NHEJ1: variants seen among roughly 807,000 people sequenced by gnomAD.
NHEJ1 encodes the protein non-homologous end joining factor 1.
Under a neutral mutation model 39.4 loss-of-function variants are expected in NHEJ1, and 22 were observed. The ratio of observed to expected loss-of-function variants is 0.56; its 90% confidence interval spans 0.40 to 0.80. The LOEUF (loss-of-function observed/expected upper bound fraction) is 0.80. NHEJ1 is among the 30% of genes least tolerant of loss of function. NHEJ1 has a pLI of 0.00. For missense variants in NHEJ1, 329 were observed against 357.1 expected (o/e 0.92, Z 0.63); for synonymous variants, 154 against 135.6 (o/e 1.14, Z -0.94).
Position 219,081,065 on chromosome 2 carries a change from G to A in NHEJ1, c.589-2859C>T, listed in dbSNP as rs993264942. On this transcript the variant is annotated intron_variant, in intron 5 of 7. Coordinates refer to ENST00000356853, the MANE Select transcript of NHEJ1 (RefSeq NM_024782.3). ...TCACATCCCAGATCACCTGCCATCC[G>A]GCTGAGGAACAAGCTCCCCAAGGTG... Among the ~76,000 whole-genome samples, 7 of 152,268 alleles carry A rather than the reference G, an allele frequency of 4.6e-5. No homozygotes were observed. The Middle Eastern group carries it at 0.01, about 222-fold the overall frequency.
chr2:219,118,337 G>A (rs1192984103), intron 5 of NHEJ1, among the ~76,000 whole-genome samples: 1 of 152,204 alleles, frequency 6.6e-6, no homozygotes, highest in Non-Finnish European at 1.5e-5. Context: ...AGAAGTGAGG[G>A]TTCATACCTT....
intron 5 of NHEJ1, among the ~76,000 whole-genome samples, chr2:219,107,207 T>C (rs1478083181): frequency 6.6e-6 from 1 of 152,194 alleles, no homozygotes; most frequent in East Asian, 1.9e-4. Context: ...TAATGATCTG[T>C]CAAATCAGGG....
Position 219,076,549 on chromosome 2 carries a change from G to T in NHEJ1, c.826-94C>A, listed in dbSNP as rs1397992649. 22 of 808,334 alleles carry T rather than the reference G, an allele frequency of 2.7e-5. No homozygotes were observed. The Middle Eastern group carries it at 4.4e-3, about 161-fold the overall frequency. The allele number at this position is 808,334 out of a possible 1,614,324, so 50.1% of individuals were successfully genotyped here. Reference sequence around the variant, plus strand: ...TCTTCCTCTCATGGCTCCTGGTTAGGATGAGGCCTTTTTTTTTTTTTTTTT... The same window carrying T: ...TCTTCCTCTCATGGCTCCTGGTTAGTATGAGGCCTTTTTTTTTTTTTTTTT... On this transcript the variant is annotated intron_variant, in intron 7 of 7. Transcript: ENST00000356853.
chr2:219,146,857 G>T, intron 4 of NHEJ1, 119 bp from the exon 5 acceptor site: 1 of 780,650 alleles, frequency 1.3e-6, no homozygotes. Context: ...ATCATGCAGA[G>T]ACACCTAGTT....
chr2:219,118,024 TC>T (rs1452058857), intron 5 of NHEJ1, among the ~76,000 whole-genome samples: 1 of 152,164 alleles, frequency 6.6e-6, no homozygotes, highest in Non-Finnish European at 1.5e-5. Flanking sequence ...TCTATGCAGT[TC>T]CCTTTCTACA....
intron 5 of NHEJ1, among the ~76,000 whole-genome samples, chr2:219,130,217 A>G (rs1247001093): frequency 6.6e-6 from 1 of 152,144 alleles, no homozygotes; most frequent in Admixed American, 6.5e-5. Context: ...TTTTATATCT[A>G]GAGAGACCTA....
In NHEJ1 at chr2:219,072,986, G is replaced by T. The variant is rs995913002; in HGVS notation, c.*3395C>A. On this transcript the variant is annotated 3_prime_UTR_variant, in exon 8 of 8. Coordinates refer to ENST00000356853, the MANE Select transcript of NHEJ1 (RefSeq NM_024782.3). ...TATCTCCCAACAAACGTGGGCTAAG[G>T]AGGAGGTAAGGGCTTGGGAAAATGG... Among the ~76,000 whole-genome samples the T allele has an allele frequency of 6.6e-6, 1 of 152,192 alleles. No individual in the cohort carries two copies. Among genetic ancestry groups the T allele is most frequent in the East Asian group, 1.9e-4 (1 of 5,202 alleles).
intron 5 of NHEJ1, among the ~76,000 whole-genome samples, chr2:219,130,311 G>A (rs752355967): frequency 2.6e-5 from 4 of 152,122 alleles, no homozygotes; most frequent in Admixed American, 6.5e-5. Flanking sequence ...TTCAGGCTTT[G>A]AGACCTCAGA....
chr2:219,106,381 T>C (rs1949313936), intron 5 of NHEJ1, among the ~76,000 whole-genome samples: 1 of 152,130 alleles, frequency 6.6e-6, no homozygotes, highest in South Asian at 2.1e-4. Flanking sequence ...CGTCTGAGAC[T>C]AGACATGATA....
intron 5 of NHEJ1, among the ~76,000 whole-genome samples, chr2:219,131,823 AC>A (rs1949581707): frequency 1.3e-5 from 2 of 152,330 alleles, no homozygotes; most frequent in Admixed American, 1.3e-4. Flanking sequence ...CTAGCTTTGA[AC>A]CATTTTCCTA....
At chr2:219,080,591 A>G (rs917047893) in intron 5 of NHEJ1, among the ~76,000 whole-genome samples, 1 of 99,740 alleles carries the variant, frequency 1.0e-5, no homozygotes, top group African/African-American at 3.2e-5. Context: ...ATACGCTTAT[A>G]TATATATGCT....
At chr2:219,128,251 T>C (rs1949542965) in intron 5 of NHEJ1, among the ~76,000 whole-genome samples, 1 of 152,178 alleles carries the variant, frequency 6.6e-6, no homozygotes. Flanking sequence ...CATCAAAACA[T>C]GTATTCAGAG....
chr2:219,141,262 C>T (rs977143083), intron 5 of NHEJ1, among the ~76,000 whole-genome samples: 15 of 152,004 alleles, frequency 9.9e-5, no homozygotes, highest in Admixed American at 6.5e-5. Context: ...AGCCTGTAGT[C>T]CCAGCTACTC....
At chr2:219,139,008 T>C (rs1038051759) in intron 5 of NHEJ1, among the ~76,000 whole-genome samples, 1 of 152,216 alleles carries the variant, frequency 6.6e-6, no homozygotes, top group African/African-American at 2.4e-5. Context: ...AGTGAGATAG[T>C]GATAGAATGT....
At position 219,149,427 on chromosome 2, in the gene NHEJ1, G is replaced by C. The variant is rs572192068; in HGVS notation, c.391-1632C>G. Among the ~76,000 whole-genome samples the C allele has an allele frequency of 2.6e-5, 4 of 152,130 alleles. No individual in the cohort carries two copies. The South Asian group carries it at 8.3e-4, about 32-fold the overall frequency. On this transcript the variant is annotated intron_variant, in intron 3 of 7. Transcript: ENST00000356853. Reference sequence around the variant, plus strand: ...GTCCAAGAGTTCGAGTCCAGCCTGGGAAACGTGATGAAACCCAGTCTCTAC... The same window carrying C: ...GTCCAAGAGTTCGAGTCCAGCCTGGCAAACGTGATGAAACCCAGTCTCTAC...
chr2:219,098,899 TTAAC>T, intron 5 of NHEJ1, among the ~76,000 whole-genome samples: 1 of 152,288 alleles, frequency 6.6e-6, no homozygotes, highest in Admixed American at 6.5e-5. Context: ...AAAGTTGAGT[TTAAC>T]TATACACAAG....
chr2:219,115,129 C>G (rs1465979400), intron 5 of NHEJ1, among the ~76,000 whole-genome samples: 3 of 146,656 alleles, frequency 2.0e-5, no homozygotes, highest in Non-Finnish European at 3.0e-5. Flanking sequence ...ACAGCTTTTC[C>G]AAAAGAATCC....
chr2:219,159,574 TGC>T (rs779656313), intron 1 of NHEJ1, among the ~76,000 whole-genome samples: 2,892 of 18,554 alleles, frequency 0.16, 310 homozygotes, highest in Non-Finnish European at 0.39. Flanking sequence ...CATATATATA[TGC>T]ATATATATAT....
At chr2:219,121,897 G>A (rs1206879201) in intron 5 of NHEJ1, among the ~76,000 whole-genome samples, 1 of 152,024 alleles carries the variant, frequency 6.6e-6, no homozygotes, top group East Asian at 1.9e-4. Context: ...CAATAGTAGG[G>A]TGGCTTGGGG....
Sources: gnomAD v4.1 joint callset for allele counts (sites outside exome capture counted in the v4.1 genomes callset) on GRCh38, gnomAD v4.1.1 for gene constraint, MANE v1.5 for transcripts, NCBI Gene and HGNC (gene_info 2026-07-23, HGNC 2026-07-21) for gene names.